TNRC6A: variants seen among roughly 807,000 people sequenced by gnomAD.
TNRC6A encodes the protein trinucleotide repeat containing adaptor 6A.
In TNRC6A, 44 loss-of-function variants were observed where a neutral mutation model predicts 221.2. The ratio of observed to expected loss-of-function variants is 0.20; its 90% confidence interval spans 0.16 to 0.26. The LOEUF is 0.26. Among genes scored for constraint, TNRC6A ranks in the 10% least tolerant of loss-of-function variants. The pLI is 1.00. For missense variants in TNRC6A, 2,199 were observed against 2,404.4 expected, an observed-to-expected ratio of 0.91 and a Z score of 1.79; for synonymous variants, 847 against 838.5, an observed-to-expected ratio of 1.01 and a Z score of -0.18.
chr16:24,761,517 A>C (rs2057362689), intron 4 of TNRC6A, among the ~76,000 whole-genome samples: 1 of 151,958 alleles, frequency 6.6e-6, no homozygotes, highest in African/African-American at 2.4e-5. Context: ...AGAATAAGAA[A>C]ATTTTTTAAA....
intron 2 of TNRC6A, among the ~76,000 whole-genome samples, chr16:24,712,971 G>T (rs1422588772): frequency 6.7e-6 from 1 of 149,234 alleles, no homozygotes; most frequent in Non-Finnish European, 1.5e-5. Context: ...AGAGGTGAGG[G>T]TCTCACTATG....
At chr16:24,639,869 C>T (rs568222542) in intron 1 of TNRC6A, among the ~76,000 whole-genome samples, 1 of 152,316 alleles carries the variant, frequency 6.6e-6, no homozygotes, top group Admixed American at 6.5e-5. Context: ...GTTGCCCAGA[C>T]TGGTCTCAAA....
At chr16:24,624,657 A>G (rs1900863382) in intron 1 of TNRC6A, among the ~76,000 whole-genome samples, 1 of 151,490 alleles carries the variant, frequency 6.6e-6, no homozygotes, top group Non-Finnish European at 1.5e-5. Context: ...TTCTTATTAT[A>G]TTTTTTCTAG....
intron 2 of TNRC6A, among the ~76,000 whole-genome samples, chr16:24,657,579 C>T (rs894812098): frequency 3.3e-5 from 5 of 151,910 alleles, no homozygotes; most frequent in South Asian, 2.1e-4. Context: ...CATGATGGCA[C>T]GCACCTGTAA....
intron 19 of TNRC6A, 140 bp from the exon 20 acceptor site, chr16:24,816,676 A>C: frequency 2.0e-6 from 2 of 1,011,390 alleles, no homozygotes; most frequent in Non-Finnish European, 2.8e-6. Context: ...TATTAACTGA[A>C]CCATCCTCTT....
intron 15 of TNRC6A, 39 bp downstream of exon 15, chr16:24,805,772 G>A (rs1301728135): frequency 6.2e-7 from 1 of 1,613,298 alleles, no homozygotes. Context: ...CACATTTATG[G>A]AGCATCTACT....
At chr16:24,711,344 A>G (rs1447401544) in intron 2 of TNRC6A, among the ~76,000 whole-genome samples, 3 of 152,100 alleles carry the variant, frequency 2.0e-5, no homozygotes, top group Admixed American at 2.0e-4. Context: ...TTATTGAGTC[A>G]CATATTTAAA....
chr16:24,707,481 A>G (rs1326192573), intron 2 of TNRC6A, among the ~76,000 whole-genome samples: 2 of 152,210 alleles, frequency 1.3e-5, no homozygotes, highest in African/African-American at 4.8e-5. Flanking sequence ...CAGTATAAAA[A>G]TACCATAGGC....
chr16:24,623,178 T>C (rs992464679), intron 1 of TNRC6A, among the ~76,000 whole-genome samples: 1 of 142,796 alleles, frequency 7.0e-6, no homozygotes, highest in African/African-American at 2.8e-5. Flanking sequence ...TATTTATTTA[T>C]TTATTTATTT....
intron 8 of TNRC6A, 41 bp downstream of exon 8, chr16:24,794,760 C>T (rs555706221): frequency 6.4e-7 from 1 of 1,565,368 alleles, no homozygotes; most frequent in African/African-American, 1.4e-5. Context: ...CTTTAAATTC[C>T]AAAGGTAGTT....
At chr16:24,712,919 G>GTGTATGTGTGTGTA (rs58179537) in intron 2 of TNRC6A, among the ~76,000 whole-genome samples, 1 of 92,788 alleles carries the variant, frequency 1.1e-5, no homozygotes, top group Non-Finnish European at 2.5e-5. Context: ...GTGTGTGTGT[G>GTGTATGTGTGTGTA]TGTGTGTGTG....
At position 24,820,356 on chromosome 16, in the gene TNRC6A, C is replaced by A; in HGVS notation, c.5298C>A (p.Thr1766=). 2 of 1,613,976 alleles carry A rather than the reference C, an allele frequency of 1.2e-6. No homozygotes were observed. Among genetic ancestry groups the A allele is most frequent in the Non-Finnish European group, 1.7e-6 (2 of 1,179,884 alleles). ...GGGGAAATTCTGACGCCAGATATAC[C>A]CCAGGTAAGATGCAGTCGTAAGGTG... is the stretch of plus-strand genomic sequence containing the variant. ...GGWGNSDARY[T]PGSSWGESSS... Residue 1766 remains threonine (T), a synonymous_variant, in exon 22 of 25, where the codon ACC becomes ACA. Transcript: ENST00000395799.
In TNRC6A at chr16:24,823,656, T is replaced by C. The variant is rs769041778; in HGVS notation, c.5738T>C (p.Leu1913Pro). The change falls in exon 25 of 25, where the codon CTT (leucine) becomes CCT (proline). Residue 1913 changes from leucine to proline, a missense_variant. This residue lies in a region of TNRC6A where 130 missense variants were observed against 121.7 expected (regional missense o/e 1.07). Coordinates refer to ENST00000395799, the MANE Select transcript of TNRC6A (RefSeq NM_014494.4). The surrounding 1 kb of genome is among the most constrained non-coding windows in gnomAD (Gnocchi z 4.3). ...CTGTCGGGAACTAACTGTGGAGACC[T>C]TCACGGCACTTCACTCTGGGGGACC... Reference protein sequence around the residue: ...AGLSGTNCGDLHGTSLWGTPH... With the variant: ...AGLSGTNCGDPHGTSLWGTPH... 1 of 1,612,416 alleles carries C rather than the reference T, an allele frequency of 6.2e-7. No individual in the cohort carries two copies. The highest frequency in any genetic ancestry group is 8.5e-7 in the Non-Finnish European group (1 of 1,178,844).
intron 1 of TNRC6A, among the ~76,000 whole-genome samples, chr16:24,637,188 A>G (rs979217929): frequency 1.3e-5 from 2 of 152,282 alleles, no homozygotes; most frequent in East Asian, 1.9e-4. Context: ...GCATACCACC[A>G]TACCTGGCTA....
intron 2 of TNRC6A, among the ~76,000 whole-genome samples, chr16:24,704,627 A>T (rs1596521160): frequency 7.3e-6 from 1 of 136,502 alleles, no homozygotes; most frequent in African/African-American, 2.7e-5. Context: ...ATCACACCAC[A>T]GCACTCCAGC....
chr16:24,646,932 T>C (rs1289069208), intron 2 of TNRC6A, among the ~76,000 whole-genome samples: 1 of 152,148 alleles, frequency 6.6e-6, no homozygotes, highest in African/African-American at 2.4e-5. Flanking sequence ...TTTTATTTAT[T>C]TATTCATTTA....
chr16:24,805,787 G>A, intron 15 of TNRC6A, 54 bp downstream of exon 15: 1 of 1,609,840 alleles, frequency 6.2e-7, no homozygotes, highest in Non-Finnish European at 8.5e-7. Context: ...TCTACTGTAT[G>A]CCAAACACTA....
intron 2 of TNRC6A, among the ~76,000 whole-genome samples, chr16:24,717,318 G>A (rs543646657): frequency 5.3e-5 from 8 of 152,268 alleles, no homozygotes; most frequent in African/African-American, 1.9e-4. Flanking sequence ...TTACATATAA[G>A]AATGCTTAAT....
At chr16:24,669,777 G>A (rs2055251342) in intron 2 of TNRC6A, among the ~76,000 whole-genome samples, 1 of 151,674 alleles carries the variant, frequency 6.6e-6, no homozygotes, top group Non-Finnish European at 1.5e-5. Flanking sequence ...ACTTGTTTTA[G>A]TAGTAAGAGT....
Sources: allele counts gnomAD v4.1 joint callset (sites outside exome capture counted in the v4.1 genomes callset), GRCh38; gene constraint gnomAD v4.1.1; regional missense constraint gnomAD v4.1.1; non-coding constraint Gnocchi (gnomAD v3.1); transcripts MANE v1.5; gene names NCBI Gene and HGNC (gene_info 2026-07-23, HGNC 2026-07-21).